The following PTPRM variants were observed in gnomAD, a reference collection of about 807,000 sequenced individuals.
PTPRM encodes the protein protein tyrosine phosphatase receptor type M, also known as receptor-type tyrosine-protein phosphatase mu.
Under a neutral mutation model 186.7 loss-of-function variants are expected in PTPRM, and 47 were observed. The ratio of observed to expected loss-of-function variants is 0.25; its 90% CI spans 0.20 to 0.32. The LOEUF is 0.32. Ranked by LOEUF, PTPRM falls within the 10% of genes least tolerant of loss-of-function variation. PTPRM has a pLI of 1.00. For missense variants in PTPRM, 1,494 were observed against 1,865.0 expected (o/e 0.80, Z 3.66); for synonymous variants, 668 against 674.9 (o/e 0.99, Z 0.16).
intron 29 of PTPRM, among the ~76,000 whole-genome samples, chr18:8,383,341 A>T (rs2095750912): frequency 7.0e-6 from 1 of 142,756 alleles, no homozygotes; most frequent in South Asian, 2.2e-4. Flanking sequence ...GGTAGATGCT[A>T]CTCAAAAAAA....
chr18:7,649,863 A>T (rs879432524), intron 1 of PTPRM, among the ~76,000 whole-genome samples: 19 of 152,106 alleles, frequency 1.2e-4, no homozygotes, highest in Non-Finnish European at 2.6e-4. Context: ...AAAAAAAATT[A>T]TGACTAGCCA....
At chr18:8,016,963 A>G (rs2084907967) in intron 7 of PTPRM, among the ~76,000 whole-genome samples, 1 of 152,172 alleles carries the variant, frequency 6.6e-6, no homozygotes, top group African/African-American at 2.4e-5. Context: ...TGGTTCCAAC[A>G]TTTACATAAT....
At chr18:7,637,923 T>C (rs1292440402) in intron 1 of PTPRM, among the ~76,000 whole-genome samples, 1 of 152,234 alleles carries the variant, frequency 6.6e-6, no homozygotes, top group Non-Finnish European at 1.5e-5. Flanking sequence ...TGACTAACCT[T>C]ACCTAATGGG....
intron 5 of PTPRM, among the ~76,000 whole-genome samples, chr18:7,935,155 A>T (rs548099664): frequency 1.3e-5 from 2 of 152,318 alleles, no homozygotes; most frequent in African/African-American, 4.8e-5. Context: ...TGGGTATTTT[A>T]TGCCATATAT....
chr18:8,116,850 C>T (rs1475200255), intron 13 of PTPRM, among the ~76,000 whole-genome samples: 1 of 152,074 alleles, frequency 6.6e-6, no homozygotes, highest in Admixed American at 6.6e-5. Context: ...TAAATATTCC[C>T]CACTCCTATT....
intron 1 of PTPRM, among the ~76,000 whole-genome samples, chr18:7,772,705 C>T (rs1390977349): frequency 6.6e-6 from 1 of 151,902 alleles, no homozygotes; most frequent in Non-Finnish European, 1.5e-5. Flanking sequence ...AGAAGTTGGA[C>T]CAGGTGACCT....
intron 1 of PTPRM, among the ~76,000 whole-genome samples, chr18:7,712,599 T>A (rs1241600858): frequency 6.6e-6 from 1 of 151,888 alleles, no homozygotes; most frequent in Non-Finnish European, 1.5e-5. Context: ...TCTAACCCAA[T>A]GCAAGGAAGC....
chr18:7,849,084 C>T (rs1201424120), intron 2 of PTPRM, among the ~76,000 whole-genome samples: 1 of 152,136 alleles, frequency 6.6e-6, no homozygotes, highest in Admixed American at 6.5e-5. Flanking sequence ...GAGATGGCAT[C>T]TGCCTCGTTA....
chr18:7,730,796 G>A (rs1246683086), intron 1 of PTPRM, among the ~76,000 whole-genome samples: 1 of 152,194 alleles, frequency 6.6e-6, no homozygotes, highest in Non-Finnish European at 1.5e-5. Context: ...TGTTGAGACA[G>A]TTTTGTTTCC....
chr18:7,633,862 G>A (rs568149666), intron 1 of PTPRM, among the ~76,000 whole-genome samples: 5 of 152,064 alleles, frequency 3.3e-5, no homozygotes, highest in East Asian at 3.9e-4. Flanking sequence ...CCACCATCCC[G>A]GCCCTCCTGC....
chr18:8,367,797 A>G (rs1210919041), intron 23 of PTPRM, among the ~76,000 whole-genome samples: 2 of 152,244 alleles, frequency 1.3e-5, no homozygotes, highest in Non-Finnish European at 2.9e-5. Flanking sequence ...ATTTCTGAGC[A>G]CTGAAGCACT....
intron 1 of PTPRM, among the ~76,000 whole-genome samples, chr18:7,662,325 A>G (rs912685143): frequency 3.3e-5 from 5 of 152,220 alleles, no homozygotes; most frequent in Admixed American, 3.3e-4. Flanking sequence ...GTGTATCAAG[A>G]GATGAATGGA....
At chr18:7,797,176 A>G (rs918304985) in intron 2 of PTPRM, among the ~76,000 whole-genome samples, 4 of 152,184 alleles carry the variant, frequency 2.6e-5, no homozygotes, top group Admixed American at 6.5e-5. Context: ...ATCAGTGCAC[A>G]TGGCCTCATC....
chr18:8,326,514 A>G (rs1363943373), intron 22 of PTPRM, among the ~76,000 whole-genome samples: 1 of 152,228 alleles, frequency 6.6e-6, no homozygotes, highest in Non-Finnish European at 1.5e-5. Flanking sequence ...TGGAGGCATC[A>G]CTTTATGTGA....
intron 7 of PTPRM, among the ~76,000 whole-genome samples, chr18:8,056,741 C>G (rs1024536078): frequency 8.4e-6 from 1 of 119,522 alleles, no homozygotes; most frequent in Admixed American, 9.2e-5. Flanking sequence ...TGAAATGCAG[C>G]CTTTTTTAGC....
At chr18:8,308,109 A>C (rs1030519214) in intron 20 of PTPRM, among the ~76,000 whole-genome samples, 1 of 152,230 alleles carries the variant, frequency 6.6e-6, no homozygotes, top group South Asian at 2.1e-4. Flanking sequence ...TGTTAAAAGA[A>C]AAACTTTAGA....
chr18:8,283,829 C>T (rs1294716236), intron 19 of PTPRM, among the ~76,000 whole-genome samples: 2 of 151,938 alleles, frequency 1.3e-5, no homozygotes, highest in African/African-American at 4.8e-5. Context: ...CGCTATGTTG[C>T]CCAGGCTGTT....
intron 9 of PTPRM, 147 bp from the exon 10 acceptor site, chr18:8,085,524 C>G: frequency 1.4e-6 from 1 of 702,256 alleles, no homozygotes; most frequent in South Asian, 1.9e-5. Flanking sequence ...TCCTTCATCC[C>G]TTCAGTGGAT....
chr18:7,939,563 G>A (rs151111445), intron 5 of PTPRM, among the ~76,000 whole-genome samples: 7 of 152,246 alleles, frequency 4.6e-5, no homozygotes, highest in African/African-American at 1.4e-4. Context: ...CACATTTGAA[G>A]ATACTCTTGC....
Sources: gnomAD v4.1 joint callset for allele counts (sites outside exome capture counted in the v4.1 genomes callset) on GRCh38, gnomAD v4.1.1 for gene constraint, MANE v1.5 for transcripts, NCBI Gene and HGNC (gene_info 2026-07-23, HGNC 2026-07-21) for gene names.